Variants in TTLL9 observed in about 807,000 individuals in gnomAD.
TTLL9 encodes the protein tubulin tyrosine ligase like 9, also known as probable tubulin polyglutamylase TTLL9.
Under a neutral mutation model 65.6 loss-of-function variants are expected in TTLL9, and 47 were observed. That is an observed-to-expected ratio of 0.72 (90% confidence interval 0.57 to 0.91). The LOEUF (loss-of-function observed/expected upper bound fraction) is 0.91. Ranked by LOEUF, TTLL9 falls within the 40% of genes least tolerant of loss-of-function variation. The pLI is 0.00. For missense variants in TTLL9, 537 were observed against 568.8 expected, an observed-to-expected ratio of 0.94 and a Z score of 0.57; for synonymous variants, 179 against 204.8, an observed-to-expected ratio of 0.87 and a Z score of 1.07.
chr20:31,888,103 C>T (rs367640985), intron 3 of TTLL9, among the ~76,000 whole-genome samples: 1 of 152,000 alleles, frequency 6.6e-6, no homozygotes, highest in African/African-American at 2.4e-5. Context: ...AGGCTGGTCT[C>T]GAACTCCCGA....
At chr20:31,895,714 A>T (rs983156954) in intron 3 of TTLL9, among the ~76,000 whole-genome samples, 1 of 146,758 alleles carries the variant, frequency 6.8e-6, no homozygotes, top group Non-Finnish European at 1.5e-5. Flanking sequence ...AAGCTGGGAA[A>T]GGCAAGGAAA....
At chr20:31,911,062 C>A (rs2063637974) in intron 6 of TTLL9, among the ~76,000 whole-genome samples, 1 of 152,112 alleles carries the variant, frequency 6.6e-6, no homozygotes, top group African/African-American at 2.4e-5. Flanking sequence ...GTAATCCCAG[C>A]TCCTTGGGAG....
intron 2 of TTLL9, among the ~76,000 whole-genome samples, chr20:31,873,960 T>G (rs2063003583): frequency 6.6e-6 from 1 of 152,226 alleles, no homozygotes; most frequent in Non-Finnish European, 1.5e-5. Flanking sequence ...TCTGCGATCC[T>G]AGGCGGGTGA....
chr20:31,910,302 ATACT>A (rs1454668475), intron 6 of TTLL9, among the ~76,000 whole-genome samples: 7 of 152,232 alleles, frequency 4.6e-5, no homozygotes, highest in Non-Finnish European at 7.3e-5. Flanking sequence ...CATTTCACAA[ATACT>A]TACTGAGCAT....
At chr20:31,887,563 T>C (rs2063211025) in intron 3 of TTLL9, among the ~76,000 whole-genome samples, 1 of 152,182 alleles carries the variant, frequency 6.6e-6, no homozygotes, top group African/African-American at 2.4e-5. Flanking sequence ...CAGAGCTAGT[T>C]GGACTCCAGG....
chr20:31,925,906 G>A, intron 9 of TTLL9, 143 bp from the exon 10 acceptor site: 9 of 1,552,220 alleles, frequency 5.8e-6, no homozygotes, highest in Non-Finnish European at 7.0e-6. Context: ...CTACCGGGAT[G>A]GCTTTGCCCG....
At chr20:31,941,937 G>T (rs1000680157) in intron 14 of TTLL9, among the ~76,000 whole-genome samples, 2 of 152,144 alleles carry the variant, frequency 1.3e-5, no homozygotes, top group African/African-American at 4.8e-5. Flanking sequence ...CAGGTGAAAG[G>T]GTCAGCAGAT....
chr20:31,917,586 T>C (rs2063754055), intron 6 of TTLL9, among the ~76,000 whole-genome samples: 1 of 152,224 alleles, frequency 6.6e-6, no homozygotes, highest in Non-Finnish European at 1.5e-5. Context: ...TATGTTCAGC[T>C]TTAGCAGATG....
At position 31,934,805 on chromosome 20, in the gene TTLL9, G is replaced by A; in HGVS notation, c.921G>A (p.Gln307=). The A allele has an allele frequency of 1.2e-6, 2 of 1,614,066 alleles. No individual in the cohort carries two copies. The highest frequency in any genetic ancestry group is 1.7e-6 in the Non-Finnish European group (2 of 1,180,046). ...DIDNIFVKSL[Q]SVQKVIISDK... is the part of the protein sequence containing the mutation. ...ACAACATCTTTGTCAAAAGCCTGCA[G>A]AGTGTGCAGAAGGTGATCATCAGTG... is the stretch of plus-strand genomic sequence containing the variant. Residue 307 remains glutamine (Q), a synonymous_variant, in exon 12 of 15, where the codon CAG becomes CAA. Coordinates refer to ENST00000535842, the MANE Select transcript of TTLL9 (RefSeq NM_001008409.5).
rs41293120 is a variant in TTLL9 at position 31,923,001 on chromosome 20, C to T, written c.612C>T (p.Pro204=). Residue 204 remains proline, a synonymous_variant, in exon 8 of 15, where the codon CCC becomes CCT. Transcript: ENST00000535842. ...RSSDDQKDDI[P]VENYVAQRYI... ...CTGACGACCAGAAAGATGATATTCC[C>T]GTGGAGAACTATGTGGCTCAGCGTT... 25,276 of 1,613,830 alleles carry T rather than the reference C, an allele frequency of 0.016. 318 individuals are homozygous for T. The highest frequency in any genetic ancestry group is 0.017 in the Non-Finnish European group (19,972 of 1,179,780).
At chr20:31,876,108 T>C (rs1454447768) in intron 2 of TTLL9, among the ~76,000 whole-genome samples, 5 of 152,264 alleles carry the variant, frequency 3.3e-5, no homozygotes, top group Non-Finnish European at 7.3e-5. Flanking sequence ...ATGTACATAC[T>C]GATATAAATC....
chr20:31,942,148 G>A (rs918310877), intron 14 of TTLL9, among the ~76,000 whole-genome samples: 3 of 152,178 alleles, frequency 2.0e-5, no homozygotes, highest in African/African-American at 7.2e-5. Context: ...GGGGGGATGT[G>A]GAAGATGGCA....
intron 2 of TTLL9, among the ~76,000 whole-genome samples, chr20:31,874,123 T>C (rs2063005454): frequency 6.6e-6 from 1 of 152,218 alleles, no homozygotes; most frequent in African/African-American, 2.4e-5. Context: ...ATATTTAATA[T>C]CTATGTACTG....
At chr20:31,903,244 T>A (rs887368607) in intron 4 of TTLL9, among the ~76,000 whole-genome samples, 36 of 152,222 alleles carry the variant, frequency 2.4e-4, no homozygotes, top group African/African-American at 8.7e-4. Flanking sequence ...CCCTGATGGC[T>A]AATGATTTTT....
chr20:31,928,537 T>C (rs1225603399), intron 10 of TTLL9, among the ~76,000 whole-genome samples: 1 of 151,082 alleles, frequency 6.6e-6, no homozygotes, highest in Non-Finnish European at 1.5e-5. Flanking sequence ...TATTCAAATA[T>C]ATATTTGCAT....
At position 31,873,674 on chromosome 20, in the gene TTLL9, AAG is replaced by A. The variant is rs946296861; in HGVS notation, c.69+2491_69+2492del. 7.3e-4 allele frequency among the ~76,000 whole-genome samples: 85 copies of A among 116,486 alleles called. 1 individual carries two copies. The highest frequency in any genetic ancestry group is 2.3e-3 in the African/African-American group (62 of 26,646). The allele number at this position is 116,486 out of a possible 152,430, so 76.4% of individuals were successfully genotyped here. On this transcript the variant is annotated intron_variant, in intron 2 of 14. Coordinates refer to ENST00000535842, the MANE Select transcript of TTLL9 (RefSeq NM_001008409.5). ...AAAAAAAAGACAAAAGAAAGAAAGA[AAG>A]AGAGAGAGAGAAAGAAAGAAAGAAA...
intron 3 of TTLL9, among the ~76,000 whole-genome samples, chr20:31,897,250 G>A (rs2063400583): frequency 6.6e-6 from 1 of 152,180 alleles, no homozygotes; most frequent in Admixed American, 6.5e-5. Context: ...TGGATGAGTT[G>A]TAGTAATTGT....
chr20:31,873,734 GAA>G (rs1555799846), intron 2 of TTLL9, among the ~76,000 whole-genome samples: 2,674 of 102,968 alleles, frequency 0.026, 27 homozygotes, highest in Non-Finnish European at 0.039. Context: ...AAGAAAGAAA[GAA>G]AAAGGAAGGA....
intron 14 of TTLL9, chr20:31,939,658 A>G (rs2064173278): frequency 6.4e-6 from 1 of 157,332 alleles, no homozygotes; most frequent in African/African-American, 2.4e-5. Context: ...TCCCCTTGGC[A>G]TTTTTCATTC....
Sources: allele counts gnomAD v4.1 joint callset (sites outside exome capture counted in the v4.1 genomes callset), GRCh38; gene constraint gnomAD v4.1.1; transcripts MANE v1.5; gene names NCBI Gene and HGNC (gene_info 2026-07-23, HGNC 2026-07-21).